The following NRXN1 variants were observed in gnomAD, a reference collection of about 807,000 sequenced individuals.
The protein encoded by NRXN1 is neurexin 1.
A neutral mutation model predicts 150.9 loss-of-function variants in NRXN1; 39 were observed. That is an observed-to-expected ratio of 0.26 (90% CI 0.20 to 0.34). NRXN1 has a LOEUF of 0.34. Among genes scored for constraint, NRXN1 ranks in the 10% least tolerant of loss-of-function variants. The pLI is 1.00. For synonymous variants in NRXN1, 924 were observed against 757.0 expected, an observed-to-expected ratio of 1.22 and a Z score of -3.62; for missense variants, 1,815 against 1,949.9, an observed-to-expected ratio of 0.93 and a Z score of 1.30.
chr2:50,411,666 C>T (rs1166601148), intron 17 of NRXN1, among the ~76,000 whole-genome samples: 1 of 149,242 alleles, frequency 6.7e-6, no homozygotes, highest in Non-Finnish European at 1.5e-5. Context: ...AGGAGCCCCT[C>T]CGCCCGGCAG....
At chr2:50,287,105 T>A (rs2072290825) in intron 17 of NRXN1, among the ~76,000 whole-genome samples, 1 of 152,106 alleles carries the variant, frequency 6.6e-6, no homozygotes, top group South Asian at 2.1e-4. Context: ...TAACTGAGCT[T>A]AATATTTTTT....
intron 5 of NRXN1, among the ~76,000 whole-genome samples, chr2:50,741,244 C>A (rs556150731): frequency 9.2e-5 from 14 of 151,800 alleles, no homozygotes; most frequent in Middle Eastern, 3.4e-3. Context: ...ATAAATGATC[C>A]TTTTATTGGT....
At chr2:50,313,621 C>T (rs1157388071) in intron 17 of NRXN1, among the ~76,000 whole-genome samples, 2 of 152,102 alleles carry the variant, frequency 1.3e-5, no homozygotes, top group Non-Finnish European at 2.9e-5. Context: ...AAGCAGAAAG[C>T]TGACAAGAAC....
intron 5 of NRXN1, among the ~76,000 whole-genome samples, chr2:50,657,764 C>G (rs562764946): frequency 6.6e-6 from 1 of 152,024 alleles, no homozygotes; most frequent in Admixed American, 6.6e-5. Context: ...GAAATTCTCA[C>G]CTTCCTTTAA....
intron 18 of NRXN1, among the ~76,000 whole-genome samples, chr2:50,134,707 T>C (rs1706112123): frequency 6.6e-6 from 1 of 152,154 alleles, no homozygotes; most frequent in Non-Finnish European, 1.5e-5. Flanking sequence ...CAATGCCTTT[T>C]CCTCTTAAGT....
rs2089314582 is a variant in NRXN1 at position 50,470,105 on chromosome 2, T to A, written c.3244+2193A>T. On this transcript the variant is annotated intron_variant, in intron 16 of 22. Transcript: ENST00000401669. The stretch of plus-strand genomic sequence containing the variant: ...CTCACCATTTCTTGTAGGTGAGAAG[T>A]CACATACCAAACAACTTGTAGAAAG... Among the ~76,000 whole-genome samples the A allele has an allele frequency of 3.3e-5, 5 of 151,788 alleles. No individual in the cohort carries two copies. The South Asian group carries it at 1.0e-3, about 31-fold the overall frequency.
At chr2:50,430,971 T>C (rs1292005641) in intron 17 of NRXN1, among the ~76,000 whole-genome samples, 1 of 152,178 alleles carries the variant, frequency 6.6e-6, no homozygotes, top group Non-Finnish European at 1.5e-5. Flanking sequence ...GTTCATATGA[T>C]ACTAGTTCTG....
intron 21 of NRXN1, among the ~76,000 whole-genome samples, chr2:49,988,622 A>G (rs999709451): frequency 4.5e-4 from 19 of 42,594 alleles, no homozygotes; most frequent in African/African-American, 1.2e-3. Context: ...TAACTATTAA[A>G]AAAAAAAAAA....
intron 18 of NRXN1, chr2:50,185,571 G>A (rs187267080): frequency 6.6e-6 from 1 of 152,020 alleles, no homozygotes; most frequent in Non-Finnish European, 1.5e-5. Flanking sequence ...GAGAGCCAGT[G>A]TACTTTGTCT....
chr2:50,608,506 T>C (rs1573768397), intron 8 of NRXN1, among the ~76,000 whole-genome samples: 1 of 151,292 alleles, frequency 6.6e-6, no homozygotes, highest in Admixed American at 6.6e-5. Context: ...CCTTTTAAAC[T>C]ACCTAAAAAC....
intron 5 of NRXN1, among the ~76,000 whole-genome samples, chr2:50,652,620 T>C (rs1685807205): frequency 6.6e-6 from 1 of 152,082 alleles, no homozygotes; most frequent in South Asian, 2.1e-4. Flanking sequence ...CTATTTCTAC[T>C]TCTTGTTATT....
chr2:50,892,774 CAT>C (rs1203144204), intron 5 of NRXN1, among the ~76,000 whole-genome samples: 1 of 152,140 alleles, frequency 6.6e-6, no homozygotes, highest in Non-Finnish European at 1.5e-5. Flanking sequence ...TATGTAAACA[CAT>C]ATTATATATT....
At chr2:50,480,872 G>A (rs1230115769) in intron 15 of NRXN1, among the ~76,000 whole-genome samples, 1 of 151,794 alleles carries the variant, frequency 6.6e-6, no homozygotes, top group Non-Finnish European at 1.5e-5. Context: ...TTACTGCTTT[G>A]AATCTTTGGT....
intron 18 of NRXN1, among the ~76,000 whole-genome samples, chr2:50,230,107 A>G (rs1481068629): frequency 6.6e-6 from 1 of 152,056 alleles, no homozygotes; most frequent in Non-Finnish European, 1.5e-5. Context: ...CAACTCTTCC[A>G]AAGAGATTCC....
At chr2:50,983,386 C>CATCCCTATT (rs1315117918) in intron 2 of NRXN1, among the ~76,000 whole-genome samples, 1 of 152,068 alleles carries the variant, frequency 6.6e-6, no homozygotes, top group Admixed American at 6.6e-5. Context: ...GAGAGTGTTT[C>CATCCCTATT]ATCCCTATTT....
intron 18 of NRXN1, among the ~76,000 whole-genome samples, chr2:50,215,362 C>T (rs978108407): frequency 7.2e-5 from 11 of 151,944 alleles, no homozygotes; most frequent in Non-Finnish European, 1.5e-4. Flanking sequence ...TGTGTCAGTG[C>T]GATTCTTAAA....
chr2:50,531,853 G>GTTGT (rs374678552), intron 10 of NRXN1, among the ~76,000 whole-genome samples: 4 of 151,892 alleles, frequency 2.6e-5, no homozygotes, highest in African/African-American at 7.3e-5. Context: ...GGGTTTTGTT[G>GTTGT]TTGTTTGTTT....
chr2:50,940,872 T>A (rs1265574782), intron 2 of NRXN1, among the ~76,000 whole-genome samples: 1 of 152,054 alleles, frequency 6.6e-6, no homozygotes, highest in Non-Finnish European at 1.5e-5. Context: ...AATTTGCAAA[T>A]TACAAAAAAG....
chr2:50,166,337 G>A (rs535245625), intron 18 of NRXN1, among the ~76,000 whole-genome samples: 2 of 150,444 alleles, frequency 1.3e-5, no homozygotes, highest in South Asian at 4.2e-4. Flanking sequence ...GTGTGTGTGT[G>A]TGTGTTCAAG....
Sources: allele counts gnomAD v4.1 joint callset (sites outside exome capture counted in the v4.1 genomes callset), GRCh38; gene constraint gnomAD v4.1.1; transcripts MANE v1.5; gene names NCBI Gene and HGNC (gene_info 2026-07-23, HGNC 2026-07-21).